IGSF10: variants seen among roughly 807,000 people sequenced by gnomAD.
IGSF10 encodes the protein calvaria mechanical force protein 608.
A neutral mutation model predicts 128.2 loss-of-function variants in IGSF10; 126 were observed. That is an observed-to-expected ratio of 0.98 (90% CI 0.85 to 1.14). IGSF10 has a LOEUF of 1.14. IGSF10 is among the 50% of genes most tolerant of loss of function. The pLI, the probability that IGSF10 is intolerant of heterozygous loss-of-function variation, is 0.00. For missense variants in IGSF10, 3,295 were observed against 3,149.8 expected (o/e 1.05, Z -1.10); for synonymous variants, 1,185 against 1,146.2 (o/e 1.03, Z -0.68).
the IGSF10 span, among the ~76,000 whole-genome samples, chr3:151,516,396 G>T: frequency 2.6e-5 from 4 of 152,152 alleles, no homozygotes; most frequent in Admixed American, 2.6e-4. Context: ...CAATAGAGGT[G>T]AAAAGGGAGT....
the IGSF10 span, among the ~76,000 whole-genome samples, chr3:151,511,482 G>A: frequency 2.6e-5 from 4 of 152,154 alleles, no homozygotes; most frequent in Admixed American, 1.3e-4. Flanking sequence ...ACATGGAAAG[G>A]AGCAACTGGT....
the IGSF10 span, among the ~76,000 whole-genome samples, chr3:151,553,870 TTGAG>T: frequency 6.6e-6 from 1 of 151,786 alleles, no homozygotes; most frequent in Non-Finnish European, 1.5e-5. Context: ...TCCCAGCACT[TTGAG>T]TGACCAAGTT....
chr3:151,610,864 A>G, the IGSF10 span, among the ~76,000 whole-genome samples: 1 of 152,136 alleles, frequency 6.6e-6, no homozygotes, highest in Non-Finnish European at 1.5e-5. Flanking sequence ...TGAGATAACT[A>G]ATCTACTCTC....
chr3:151,487,015 T>C, the IGSF10 span, among the ~76,000 whole-genome samples: 1 of 52,534 alleles, frequency 1.9e-5, no homozygotes, highest in Admixed American at 2.1e-4. Context: ...AGACATGAAA[T>C]ACCTTTCAAA....
the IGSF10 span, among the ~76,000 whole-genome samples, chr3:151,579,465 A>T: frequency 6.6e-6 from 1 of 152,200 alleles, no homozygotes; most frequent in Non-Finnish European, 1.5e-5. Context: ...GGTGGATAAC[A>T]TTCAAGAAAA....
Position 151,447,486 on chromosome 3 carries a change from G to T in IGSF10, c.2495C>A (p.Pro832His), listed in dbSNP as rs765597069. ...TGTGCCATAATTTATGTTTGTCATA[G>T]GACTATCAGATATTGTTCTGGAGTC... ...TADSRTISDS[P>H]MTNINYGTEF... is the part of the protein sequence containing the mutation. Residue 832 changes from proline to histidine, a missense_variant, in exon 6 of 8, where the codon CCT becomes CAT. Pro to His is a moderately conservative substitution (Grantham distance 77). Coordinates refer to ENST00000282466, the MANE Select transcript of IGSF10 (RefSeq NM_178822.5). 97 of 1,613,996 alleles carry T rather than the reference G, an allele frequency of 6.0e-5. No individual in the cohort carries two copies. Among genetic ancestry groups the T allele is most frequent in the Non-Finnish European group, 8.0e-5 (94 of 1,179,988 alleles).
the IGSF10 span, among the ~76,000 whole-genome samples, chr3:151,498,959 A>AT: frequency 4.6e-5 from 7 of 151,878 alleles, no homozygotes; most frequent in African/African-American, 7.3e-5. Flanking sequence ...TTTTAATAGG[A>AT]TTTTTTTTCA....
At chr3:151,478,484 T>C in the IGSF10 span, among the ~76,000 whole-genome samples, 1 of 152,218 alleles carries the variant, frequency 6.6e-6, no homozygotes, top group Non-Finnish European at 1.5e-5. Flanking sequence ...TTGGAGTTTC[T>C]TGTGCAGTAT....
At position 151,437,149 on chromosome 3, in the gene IGSF10, C is replaced by CAAATG; in HGVS notation, c.7411_7412insCATTT (p.Gly2471AlafsTer5). On this transcript the variant is annotated frameshift_variant, in exon 8 of 8. Transcript: ENST00000282466. LOFTEE classifies it low-confidence loss of function (END_TRUNC). ...AATTTGAGGCCTGTCTACTACATAA[C>CAAATG]CACTTGGCATAGTCCATTTGATATT... 1.2e-6 allele frequency: 2 copies of CAAATG among 1,614,152 alleles called. No homozygotes were observed. The highest frequency in any genetic ancestry group is 1.7e-6 in the Non-Finnish European group (2 of 1,180,006).
At chr3:151,432,505 G>A (rs758330059), downstream of IGSF10, among the ~76,000 whole-genome samples, 1 of 152,216 alleles carries the variant, frequency 6.6e-6, no homozygotes, top group South Asian at 2.1e-4. Flanking sequence ...GAGACACTCT[G>A]GATGGGCCAG....
the IGSF10 span, among the ~76,000 whole-genome samples, chr3:151,517,132 A>G: frequency 1.3e-5 from 2 of 152,056 alleles, no homozygotes; most frequent in Admixed American, 6.6e-5. Context: ...TATAAAGGCT[A>G]TGGTTACACA....
At chr3:151,524,110 CA>C in the IGSF10 span, among the ~76,000 whole-genome samples, 1 of 151,842 alleles carries the variant, frequency 6.6e-6, no homozygotes, top group African/African-American at 2.4e-5. Context: ...ATGGCTACTA[CA>C]AAAAAGTAGA....
In IGSF10 at chr3:151,443,818, A is replaced by T. The variant is rs1041663948; in HGVS notation, c.5129T>A (p.Ile1710Asn). The T allele has an allele frequency of 2.4e-5, 38 of 1,613,674 alleles. No individual in the cohort carries two copies. Among genetic ancestry groups the T allele is most frequent in the Non-Finnish European group, 3.1e-5 (37 of 1,179,680 alleles). ...GCGGTCCTGAATTTCCACCCTCTGG[A>T]TGGACAGGGTACCATTGGGGAGAAC... ...VQVLPNGTLS[I>N]QRVEIQDRGQ... is the part of the protein sequence containing the mutation. Residue 1710 changes from isoleucine (I) to asparagine (N), a missense_variant, in exon 7 of 8, where the codon ATC becomes AAC. Coordinates refer to ENST00000282466, the MANE Select transcript of IGSF10 (RefSeq NM_178822.5).
At chr3:151,589,091 T>G in the IGSF10 span, among the ~76,000 whole-genome samples, 152 of 152,314 alleles carry the variant, frequency 1.0e-3, no homozygotes, top group African/African-American at 3.2e-3. Flanking sequence ...ATTAACACAT[T>G]TTCTTTGGAA....
At chr3:151,566,029 A>T in the IGSF10 span, 1 of 153,406 alleles carries the variant, frequency 6.5e-6, no homozygotes, top group Non-Finnish European at 1.5e-5. Context: ...GTCCTGGGAG[A>T]ATCAGTGCAG....
At chr3:151,551,939 A>T in the IGSF10 span, among the ~76,000 whole-genome samples, 2 of 152,200 alleles carry the variant, frequency 1.3e-5, no homozygotes, top group Non-Finnish European at 2.9e-5. Context: ...ATGCCATTGT[A>T]ATCAAATCCA....
chr3:151,452,202 C>G (rs1397940912), intron 5 of IGSF10, among the ~76,000 whole-genome samples: 1 of 152,138 alleles, frequency 6.6e-6, no homozygotes, highest in African/African-American at 2.4e-5. Context: ...TTATTTTACA[C>G]ATATAGAGTT....
chr3:151,495,249 T>C, the IGSF10 span, among the ~76,000 whole-genome samples: 1 of 152,312 alleles, frequency 6.6e-6, no homozygotes, highest in East Asian at 1.9e-4. Context: ...TTAGAAATTA[T>C]GACTGGAATG....
chr3:151,496,934 GA>G, the IGSF10 span, among the ~76,000 whole-genome samples: 1 of 152,162 alleles, frequency 6.6e-6, no homozygotes, highest in East Asian at 1.9e-4. Context: ...GGCCAGTGAT[GA>G]TGAGCATTTT....
Sources: allele counts gnomAD v4.1 joint callset (sites outside exome capture counted in the v4.1 genomes callset), GRCh38; gene constraint gnomAD v4.1.1; transcripts MANE v1.5; gene names NCBI Gene and HGNC (gene_info 2026-07-23, HGNC 2026-07-21).